Variants in GRID2 observed in about 807,000 individuals in gnomAD.
GRID2 encodes glutamate ionotropic receptor delta type subunit 2.
A neutral mutation model predicts 114.8 loss-of-function variants in GRID2; 33 were observed. The observed-to-expected ratio is 0.29, with a 90% confidence interval of 0.22 to 0.38. The LOEUF is 0.38. GRID2 is among the 10% of genes least tolerant of loss of function. GRID2 has a pLI of 1.00. For synonymous variants in GRID2, 505 were observed against 449.9 expected, an observed-to-expected ratio of 1.12 and a Z score of -1.55; for missense variants, 1,184 against 1,257.7, an observed-to-expected ratio of 0.94 and a Z score of 0.89.
At chr4:93,075,883 C>CTCTCTTTTTT (rs1490779668) in intron 2 of GRID2, among the ~76,000 whole-genome samples, 1 of 76,608 alleles carries the variant, frequency 1.3e-5, no homozygotes, top group African/African-American at 5.3e-5. Flanking sequence ...AGTTACCTCT[C>CTCTCTTTTTT]TTTTTTTTTT....
intron 2 of GRID2, among the ~76,000 whole-genome samples, chr4:92,809,696 C>A (rs997820710): frequency 3.3e-5 from 5 of 151,900 alleles, no homozygotes; most frequent in Non-Finnish European, 7.4e-5. Context: ...TAGGATAAAA[C>A]AAGATATTAT....
chr4:93,220,658 C>A (rs1213691441), intron 6 of GRID2, among the ~76,000 whole-genome samples: 6 of 152,230 alleles, frequency 3.9e-5, no homozygotes, highest in South Asian at 2.1e-4. Flanking sequence ...TATTCGGTGG[C>A]TTTGAGTACT....
rs192693498 is a variant in GRID2 at position 93,177,558 on chromosome 4, A to T, written c.736-29846A>T. Among the ~76,000 whole-genome samples the T allele has an allele frequency of 3.9e-5, 6 of 152,266 alleles. No individual in the cohort carries two copies. The East Asian group carries it at 1.2e-3, about 29-fold the overall frequency. On this transcript the variant is annotated intron_variant, in intron 4 of 15. Transcript: ENST00000282020. ...GTGTTTCCTACTTTATCATATTAAA[A>T]TTTTTCACAATACTTCAGAAACAAA...
intron 1 of GRID2, among the ~76,000 whole-genome samples, chr4:92,513,205 C>T (rs1328970468): frequency 6.6e-6 from 1 of 151,768 alleles, no homozygotes; most frequent in Non-Finnish European, 1.5e-5. Context: ...CCTATCTTAC[C>T]AATAGCATCA....
intron 2 of GRID2, among the ~76,000 whole-genome samples, chr4:92,853,575 G>A (rs1341756359): frequency 6.6e-6 from 1 of 151,394 alleles, no homozygotes; most frequent in Non-Finnish European, 1.5e-5. Context: ...TTTTTTATTT[G>A]CCAGAGCCTA....
At position 92,521,650 on chromosome 4, in the gene GRID2, T is replaced by C. The variant is rs1724784820; in HGVS notation, c.89-68481T>C. Among the ~76,000 whole-genome samples, 3 of 152,120 alleles carry C rather than the reference T, an allele frequency of 2.0e-5. No individual in the cohort carries two copies. In the South Asian group the frequency reaches 6.2e-4, roughly 31 times the overall value. On this transcript the variant is annotated intron_variant, in intron 1 of 15. Coordinates refer to ENST00000282020, the MANE Select transcript of GRID2 (RefSeq NM_001510.4). ...GGCAAATTTTTCCTGGAGGAAATGG[T>C]GCCTGAGCTTATCTTAAATGATAAA...
chr4:92,815,914 C>CAAAAAAAAAA (rs5860292), intron 2 of GRID2, among the ~76,000 whole-genome samples: 1 of 46,868 alleles, frequency 2.1e-5, no homozygotes, highest in Admixed American at 3.8e-4. Context: ...GACCCTGTCT[C>CAAAAAAAAAA]AAAAAAAAAA....
At chr4:93,443,175 C>T (rs1225152297) in intron 10 of GRID2, among the ~76,000 whole-genome samples, 3 of 151,936 alleles carry the variant, frequency 2.0e-5, no homozygotes, top group Non-Finnish European at 2.9e-5. Context: ...TTTAACAGAG[C>T]AGCCAAAGTG....
At chr4:92,743,079 C>T (rs1272714914) in intron 2 of GRID2, among the ~76,000 whole-genome samples, 1 of 152,070 alleles carries the variant, frequency 6.6e-6, no homozygotes, top group South Asian at 2.1e-4. Context: ...GAGTTTGAGA[C>T]CAGCTTGGAC....
intron 11 of GRID2, among the ~76,000 whole-genome samples, chr4:93,480,824 G>T (rs1725783550): frequency 6.6e-6 from 1 of 152,004 alleles, no homozygotes; most frequent in Non-Finnish European, 1.5e-5. Flanking sequence ...ATGTCTTTGT[G>T]TAGGGATTGG....
At chr4:92,853,428 A>G (rs1743965994) in intron 2 of GRID2, among the ~76,000 whole-genome samples, 1 of 151,978 alleles carries the variant, frequency 6.6e-6, no homozygotes, top group South Asian at 2.1e-4. Context: ...ACTTTCTCCA[A>G]TCTCATAGAA....
intron 4 of GRID2, among the ~76,000 whole-genome samples, chr4:93,117,719 C>A (rs1579038531): frequency 6.6e-6 from 1 of 152,222 alleles, no homozygotes; most frequent in South Asian, 2.1e-4. Context: ...TGCTAAAGTG[C>A]TGGTCTAGTG....
At chr4:93,283,221 G>A (rs1023667739) in intron 8 of GRID2, among the ~76,000 whole-genome samples, 2 of 151,978 alleles carry the variant, frequency 1.3e-5, no homozygotes, top group Non-Finnish European at 2.9e-5. Context: ...GAAGGGAAAG[G>A]ATGCTATCTT....
In GRID2 at chr4:92,891,228, C is replaced by G. The variant is rs939551248; in HGVS notation, c.245-193767C>G. Among the ~76,000 whole-genome samples the G allele has an allele frequency of 5.9e-5, 9 of 152,116 alleles. No homozygotes were observed. The South Asian group carries it at 8.3e-4, about 14-fold the overall frequency. On this transcript the variant is annotated intron_variant, in intron 2 of 15. Transcript: ENST00000282020. ...CGTGTATACCTATGTAACAAACTTG[C>G]ACGTTCTGCACATATATCCCAGAAC...
chr4:93,242,248 G>C (rs1308404543), intron 8 of GRID2, among the ~76,000 whole-genome samples: 1 of 151,940 alleles, frequency 6.6e-6, no homozygotes, highest in African/African-American at 2.4e-5. Flanking sequence ...AACAACAGTG[G>C]AGAAGTTTCG....
chr4:93,672,186 G>A (rs1420904269), intron 14 of GRID2, among the ~76,000 whole-genome samples: 1 of 152,116 alleles, frequency 6.6e-6, no homozygotes, highest in Non-Finnish European at 1.5e-5. Flanking sequence ...TTCCCCAGGT[G>A]TCCAGACCCC....
intron 2 of GRID2, among the ~76,000 whole-genome samples, chr4:92,617,764 G>A (rs1213556041): frequency 6.6e-6 from 1 of 151,644 alleles, no homozygotes; most frequent in South Asian, 2.1e-4. Flanking sequence ...ATTAGTGATA[G>A]TGAGCATTTT....
rs544890477 is a variant in GRID2, at chr4:92,473,499, C to T, written c.89-116632C>T. ...TGGAAATTCTTGACTTTTTCCTGATCTTAACAGGAAAGTATTCAATCTTCA... is the reference window on the plus strand; with the variant it reads ...TGGAAATTCTTGACTTTTTCCTGATTTTAACAGGAAAGTATTCAATCTTCA... On this transcript the variant is annotated intron_variant, in intron 1 of 15. Coordinates refer to ENST00000282020, the MANE Select transcript of GRID2 (RefSeq NM_001510.4). 2.0e-5 allele frequency among the ~76,000 whole-genome samples: 3 copies of T among 152,132 alleles called. No homozygotes were observed. In the East Asian group the frequency reaches 5.8e-4, roughly 29 times the overall value.
At chr4:93,369,355 A>G (rs1762653344) in intron 8 of GRID2, among the ~76,000 whole-genome samples, 1 of 152,172 alleles carries the variant, frequency 6.6e-6, no homozygotes, top group Admixed American at 6.5e-5. Flanking sequence ...CCCTCTCAAT[A>G]CTTAACATAA....
Sources: allele counts gnomAD v4.1 joint callset (sites outside exome capture counted in the v4.1 genomes callset), GRCh38; gene constraint gnomAD v4.1.1; transcripts MANE v1.5; gene names NCBI Gene and HGNC (gene_info 2026-07-23, HGNC 2026-07-21).